Variants in RSPO2 observed in about 807,000 individuals in gnomAD.
RSPO2 encodes R-spondin 2.
Under a neutral mutation model 30.9 loss-of-function variants are expected in RSPO2, and 14 were observed. That is an observed-to-expected ratio of 0.45 (90% CI 0.30 to 0.71). The LOEUF is 0.71. Among genes scored for constraint, RSPO2 ranks in the 30% least tolerant of loss-of-function variants. The pLI is 0.08. For synonymous variants in RSPO2, 107 were observed against 96.4 expected, an observed-to-expected ratio of 1.11 and a Z score of -0.64; for missense variants, 264 against 301.9, an observed-to-expected ratio of 0.87 and a Z score of 0.93.
At chr8:108,046,449 G>A (rs1811911345) in intron 2 of RSPO2, among the ~76,000 whole-genome samples, 1 of 152,012 alleles carries the variant, frequency 6.6e-6, no homozygotes, top group Admixed American at 6.6e-5. Flanking sequence ...CCATTAAGAT[G>A]TGAATATGAT....
At chr8:108,005,020 A>G (rs1248300099) in intron 2 of RSPO2, among the ~76,000 whole-genome samples, 1 of 152,182 alleles carries the variant, frequency 6.6e-6, no homozygotes, top group African/African-American at 2.4e-5. Context: ...TTTGAAAATC[A>G]TATCTCCAAG....
At position 108,054,119 on chromosome 8, in the gene RSPO2, T is replaced by C. The variant is rs147179880; in HGVS notation, c.94+28426A>G. On this transcript the variant is annotated intron_variant, in intron 2 of 5. Transcript: ENST00000276659. Reference sequence around the variant, plus strand: ...ACTCTCCTGGGCACTGGTGATACAATGTAAACAAGGCTCTCACCCTTTTGG... The same window carrying C: ...ACTCTCCTGGGCACTGGTGATACAACGTAAACAAGGCTCTCACCCTTTTGG... Among the ~76,000 whole-genome samples the C allele has an allele frequency of 1.8e-4, 27 of 152,248 alleles. No individual in the cohort carries two copies. In the East Asian group the frequency reaches 4.4e-3, roughly 25 times the overall value.
intron 2 of RSPO2, among the ~76,000 whole-genome samples, chr8:108,064,468 A>G (rs1354108099): frequency 2.0e-5 from 3 of 152,198 alleles, no homozygotes; most frequent in African/African-American, 4.8e-5. Context: ...CAAAACCACA[A>G]TGAGATACCA....
chr8:108,028,840 A>G (rs1811309510), intron 2 of RSPO2, among the ~76,000 whole-genome samples: 1 of 151,926 alleles, frequency 6.6e-6, no homozygotes, highest in African/African-American at 2.4e-5. Flanking sequence ...TTCATTGACT[A>G]CCTCTCCCTG....
At chr8:108,069,755 C>G (rs1175112413) in intron 2 of RSPO2, among the ~76,000 whole-genome samples, 1 of 152,164 alleles carries the variant, frequency 6.6e-6, no homozygotes, top group Non-Finnish European at 1.5e-5. Flanking sequence ...ACCCAGGATT[C>G]CCACAGAGTA....
chr8:107,964,924 T>G (rs1199636786), intron 3 of RSPO2, among the ~76,000 whole-genome samples: 1 of 152,168 alleles, frequency 6.6e-6, no homozygotes, highest in African/African-American at 2.4e-5. Flanking sequence ...CTCACCTGAA[T>G]GGCACATTAG....
rs532059502 is a variant in RSPO2, at chr8:107,938,721, G to A, written c.616+19359C>T. On this transcript the variant is annotated intron_variant, in intron 5 of 5. Transcript: ENST00000276659. ...AAATAAAGATCTGGCCAGCCAAGCT[G>A]GGAAGAAATTTAAACACAACAAAAG... 5.9e-5 allele frequency among the ~76,000 whole-genome samples: 9 copies of A among 152,282 alleles called. No individual in the cohort carries two copies. The South Asian group carries it at 1.9e-3, about 32-fold the overall frequency.
chr8:107,924,770 G>A (rs1812299425), intron 5 of RSPO2, among the ~76,000 whole-genome samples: 1 of 151,150 alleles, frequency 6.6e-6, no homozygotes, highest in African/African-American at 2.4e-5. Flanking sequence ...AGGATGTCTG[G>A]TTTTCCAAAA....
chr8:107,966,567 A>G (rs914837305), intron 3 of RSPO2, among the ~76,000 whole-genome samples: 5 of 152,156 alleles, frequency 3.3e-5, no homozygotes, highest in African/African-American at 4.8e-5. Context: ...TAATGAATCC[A>G]TAAAAGTGAC....
intron 2 of RSPO2, among the ~76,000 whole-genome samples, chr8:108,054,895 CT>C (rs1390837945): frequency 6.6e-6 from 1 of 152,120 alleles, no homozygotes; most frequent in Non-Finnish European, 1.5e-5. Flanking sequence ...GGGCAGATCG[CT>C]TGAGCTCAGG....
chr8:108,043,702 A>T (rs1191137357), intron 2 of RSPO2, among the ~76,000 whole-genome samples: 1 of 152,104 alleles, frequency 6.6e-6, no homozygotes, highest in Non-Finnish European at 1.5e-5. Context: ...ACCCATGGCA[A>T]CTTGGCTGAA....
In RSPO2 at chr8:107,958,122, C is replaced by G; in HGVS notation, c.574G>C (p.Glu192Gln). The change falls in exon 5 of 6, where the codon GAA (glutamate) becomes CAA (glutamine). Residue 192 changes from glutamate to glutamine, a missense_variant. Physicochemically the swap from Glu to Gln is conservative, Grantham distance 29 (BLOSUM62 2). Coordinates refer to ENST00000276659, the MANE Select transcript of RSPO2 (RefSeq NM_178565.5). ...KDTILCPTIA[E>Q]SRRCKMTMRH... Reference sequence around the variant, plus strand: ...ATTGTCATCTTGCATCTCCTGGATTCAGCAATGGTTGGACACAGTATTGTG... The same window carrying G: ...ATTGTCATCTTGCATCTCCTGGATTGAGCAATGGTTGGACACAGTATTGTG... 6.2e-7 allele frequency: 1 copy of G among 1,613,804 alleles called. No individual in the cohort carries two copies. Among genetic ancestry groups the G allele is most frequent in the Non-Finnish European group, 8.5e-7 (1 of 1,179,760 alleles).
chr8:107,996,810 C>T, intron 2 of RSPO2: 1 of 377,674 alleles, frequency 2.6e-6, no homozygotes, highest in Non-Finnish European at 5.2e-6. Context: ...AGTCAACAAA[C>T]TGTGCCCTGC....
At chr8:108,059,983 C>A (rs999928655) in intron 2 of RSPO2, among the ~76,000 whole-genome samples, 2 of 150,872 alleles carry the variant, frequency 1.3e-5, no homozygotes, top group Admixed American at 6.6e-5. Flanking sequence ...GCACATGTAC[C>A]CTAAAACTTA....
intron 3 of RSPO2, among the ~76,000 whole-genome samples, chr8:107,984,362 C>A (rs763355688): frequency 6.6e-6 from 1 of 152,026 alleles, no homozygotes; most frequent in African/African-American, 2.4e-5. Flanking sequence ...ATATGGTGGC[C>A]GGAGGGGCTG....
rs1329760706 is a variant in RSPO2 at position 108,073,291 on chromosome 8, C to T, written c.94+9254G>A. 5.3e-5 allele frequency among the ~76,000 whole-genome samples: 8 copies of T among 152,210 alleles called. No homozygotes were observed. The East Asian group carries it at 1.5e-3, about 29-fold the overall frequency. The stretch of plus-strand genomic sequence containing the variant: ...GGGCAAAGCAAAGGAAGCACAAATC[C>T]CACAAAATTTCAGAGAACAAAGCAC... On this transcript the variant is annotated intron_variant, in intron 2 of 5. Coordinates refer to ENST00000276659, the MANE Select transcript of RSPO2 (RefSeq NM_178565.5).
At chr8:107,970,678 A>T (rs900166559) in intron 3 of RSPO2, among the ~76,000 whole-genome samples, 3 of 152,208 alleles carry the variant, frequency 2.0e-5, no homozygotes, top group African/African-American at 7.2e-5. Context: ...ACAACTCCTG[A>T]TCAGTTGTCT....
intron 3 of RSPO2, among the ~76,000 whole-genome samples, chr8:107,973,582 A>G (rs1274760957): frequency 6.6e-6 from 1 of 152,140 alleles, no homozygotes; most frequent in East Asian, 1.9e-4. Flanking sequence ...AACAAAAAAA[A>G]GAAAACTGCC....
At chr8:107,913,844 A>G (rs1259306084) in intron 5 of RSPO2, among the ~76,000 whole-genome samples, 3 of 152,172 alleles carry the variant, frequency 2.0e-5, no homozygotes, top group Non-Finnish European at 4.4e-5. Context: ...AAATCAAAGG[A>G]AGCTACTACA....
Sources: gnomAD v4.1 joint callset for allele counts (sites outside exome capture counted in the v4.1 genomes callset) on GRCh38, gnomAD v4.1.1 for gene constraint, MANE v1.5 for transcripts, NCBI Gene and HGNC (gene_info 2026-07-23, HGNC 2026-07-21) for gene names.